AGBL4: variants seen among roughly 807,000 people sequenced by gnomAD.
AGBL4 encodes the protein cytosolic carboxypeptidase 6.
AGBL4 carries 58 observed loss-of-function variants against 66.4 expected under a neutral mutation model. The observed-to-expected ratio is 0.87, with a 90% CI of 0.71 to 1.09. The LOEUF is 1.09. AGBL4 is among the 50% of genes least tolerant of loss of function. AGBL4 has a pLI of 0.00. For synonymous variants in AGBL4, 234 were observed against 222.9 expected (o/e 1.05, Z -0.44); for missense variants, 579 against 631.0 (o/e 0.92, Z 0.88).
chr1:49,665,070 C>G (rs999374533), intron 3 of AGBL4, among the ~76,000 whole-genome samples: 1 of 152,102 alleles, frequency 6.6e-6, no homozygotes, highest in African/African-American at 2.4e-5. Context: ...TTAGAAATCA[C>G]AACCTATTGT....
intron 3 of AGBL4, among the ~76,000 whole-genome samples, chr1:49,548,451 T>C (rs1466412790): frequency 2.0e-5 from 3 of 152,206 alleles, no homozygotes; most frequent in Non-Finnish European, 4.4e-5. Context: ...GTATGTCCCT[T>C]GTATGCCAAT....
At chr1:48,728,926 A>T (rs1055394175) in intron 6 of AGBL4, among the ~76,000 whole-genome samples, 1 of 152,182 alleles carries the variant, frequency 6.6e-6, no homozygotes, top group South Asian at 2.1e-4. Flanking sequence ...GTGATTACTA[A>T]TGAGGCTCAG....
chr1:49,191,336 A>G (rs1647114920), intron 4 of AGBL4, among the ~76,000 whole-genome samples: 1 of 152,254 alleles, frequency 6.6e-6, no homozygotes, highest in Non-Finnish European at 1.5e-5. Flanking sequence ...CATTTAGTCC[A>G]TAATGCAGGA....
intron 3 of AGBL4, among the ~76,000 whole-genome samples, chr1:49,496,773 G>T (rs1647623335): frequency 6.9e-6 from 1 of 143,902 alleles, no homozygotes. Flanking sequence ...TTCATCGGCT[G>T]ATAGATACTT....
chr1:49,892,668 C>T (rs2148170430), intron 1 of AGBL4, among the ~76,000 whole-genome samples: 1 of 152,298 alleles, frequency 6.6e-6, no homozygotes, highest in Non-Finnish European at 1.5e-5. Context: ...ATGGTACACT[C>T]TGCTTCAGAG....
chr1:48,877,132 C>T (rs879872285), intron 5 of AGBL4, among the ~76,000 whole-genome samples: 14 of 152,154 alleles, frequency 9.2e-5, no homozygotes, highest in Admixed American at 9.2e-4. Context: ...TGTTTCTCTC[C>T]TTCAGTAGGG....
chr1:48,530,527 T>C (rs1643899368), downstream of AGBL4, among the ~76,000 whole-genome samples: 1 of 152,152 alleles, frequency 6.6e-6, no homozygotes, highest in African/African-American at 2.4e-5. Context: ...CCCGCCTCCA[T>C]TTAAAAGGCA....
intron 11 of AGBL4, among the ~76,000 whole-genome samples, chr1:48,579,845 G>C (rs1380129643): frequency 6.7e-6 from 1 of 149,646 alleles, no homozygotes; most frequent in Non-Finnish European, 1.5e-5. Flanking sequence ...ATGAACCTGG[G>C]AGGCGGAGCT....
intron 1 of AGBL4, among the ~76,000 whole-genome samples, chr1:49,958,003 G>T (rs1465022066): frequency 6.6e-6 from 1 of 152,008 alleles, no homozygotes; most frequent in Non-Finnish European, 1.5e-5. Flanking sequence ...GGTACCGGTT[G>T]TTCCTTTCCA....
chr1:49,945,760 T>C (rs1226779891), intron 1 of AGBL4, among the ~76,000 whole-genome samples: 2 of 152,070 alleles, frequency 1.3e-5, no homozygotes, highest in African/African-American at 4.8e-5. Context: ...ACTTAAAAGA[T>C]ACAGAATTGC....
intron 3 of AGBL4, among the ~76,000 whole-genome samples, chr1:49,253,024 C>T (rs1461955569): frequency 1.3e-5 from 2 of 152,144 alleles, no homozygotes; most frequent in African/African-American, 4.8e-5. Context: ...AACCAGCTAA[C>T]ATCATATGGC....
At chr1:49,771,730 T>C (rs1644064065) in intron 2 of AGBL4, among the ~76,000 whole-genome samples, 1 of 152,114 alleles carries the variant, frequency 6.6e-6, no homozygotes, top group Admixed American at 6.5e-5. Context: ...TTGCTCCCTT[T>C]ATCATAATAT....
chr1:49,197,948 T>A (rs1570032131), intron 4 of AGBL4, among the ~76,000 whole-genome samples: 1 of 152,160 alleles, frequency 6.6e-6, no homozygotes, highest in African/African-American at 2.4e-5. Context: ...TGCTGCTAGG[T>A]CATAGTATGC....
At chr1:49,946,861 C>G (rs1304344042) in intron 1 of AGBL4, among the ~76,000 whole-genome samples, 3 of 151,444 alleles carry the variant, frequency 2.0e-5, no homozygotes, top group African/African-American at 7.3e-5. Context: ...CAATTAGAAA[C>G]AAAACAAGAG....
intron 9 of AGBL4, among the ~76,000 whole-genome samples, chr1:48,620,829 G>T (rs1045805401): frequency 6.6e-6 from 1 of 152,104 alleles, no homozygotes; most frequent in Non-Finnish European, 1.5e-5. Context: ...GTTTTTGTGT[G>T]TGTATGTGGT....
At chr1:48,593,345 CTAGT>C (rs1450460142) in intron 9 of AGBL4, among the ~76,000 whole-genome samples, 2 of 152,184 alleles carry the variant, frequency 1.3e-5, no homozygotes, top group East Asian at 1.9e-4. Context: ...TATAAACTAA[CTAGT>C]TACTTATTGA....
At chr1:49,598,957 G>A (rs1240731572) in intron 3 of AGBL4, among the ~76,000 whole-genome samples, 1 of 152,192 alleles carries the variant, frequency 6.6e-6, no homozygotes, top group African/African-American at 2.4e-5. Context: ...AAGCCAACTT[G>A]ATCGAGGTAG....
intron 6 of AGBL4, among the ~76,000 whole-genome samples, chr1:48,663,866 G>T (rs1344075542): frequency 6.6e-6 from 1 of 152,272 alleles, no homozygotes; most frequent in African/African-American, 2.4e-5. Context: ...GCTCATGGAG[G>T]TTATATAACT....
chr1:49,092,083 G>C (rs896346955), intron 4 of AGBL4, among the ~76,000 whole-genome samples: 1 of 151,904 alleles, frequency 6.6e-6, no homozygotes, highest in Admixed American at 6.6e-5. Context: ...ATCTGGTACT[G>C]GTACCTGGGT....
Sources: allele counts gnomAD v4.1 joint callset (sites outside exome capture counted in the v4.1 genomes callset), GRCh38; gene constraint gnomAD v4.1.1; transcripts MANE v1.5; gene names NCBI Gene and HGNC (gene_info 2026-07-23, HGNC 2026-07-21).